Variants in TMIGD2 observed in about 807,000 individuals in gnomAD.
TMIGD2 encodes the protein transmembrane and immunoglobulin domain-containing protein 2.
A neutral mutation model predicts 22.6 loss-of-function variants in TMIGD2; 18 were observed. The ratio of observed to expected loss-of-function variants is 0.80; its 90% CI spans 0.55 to 1.18. The LOEUF is 1.18. Among genes scored for constraint, TMIGD2 ranks in the 50% most tolerant of loss-of-function variants. The pLI is 0.00. For synonymous variants in TMIGD2, 184 were observed against 154.1 expected, an observed-to-expected ratio of 1.19 and a Z score of -1.44; for missense variants, 361 against 378.2, an observed-to-expected ratio of 0.95 and a Z score of 0.38.
exon 1 of TMIGD2, chr19:4,302,365 C>A: frequency 6.4e-7 from 1 of 1,572,860 alleles, no homozygotes; most frequent in Non-Finnish European, 8.6e-7. Context: ...GGAGGCCCAG[C>A]ACCATGCCCG....
exon 2 of TMIGD2, chr19:4,298,283 C>T (rs1261033395): frequency 2.5e-6 from 4 of 1,607,460 alleles, no homozygotes; most frequent in Non-Finnish European, 3.4e-6. Context: ...GCCTGACTGC[C>T]CTGCCTCACC....
At chr19:4,298,120 G>A (rs1410577024) in exon 2 of TMIGD2, 4 of 1,613,328 alleles carry the variant, frequency 2.5e-6, no homozygotes, top group South Asian at 1.1e-5. Context: ...ATGGCTGGGT[G>A]CCTGCCAGGA....
At chr19:4,293,788 G>T (rs1299228533) in intron 4 of TMIGD2, among the ~76,000 whole-genome samples, 1 of 151,628 alleles carries the variant, frequency 6.6e-6, no homozygotes, top group Non-Finnish European at 1.5e-5. Flanking sequence ...TTGAGATGGA[G>T]TCTGGCTGTG....
rs201111951 is a variant in TMIGD2, at chr19:4,299,154, A to AT, written c.47-810dup. ...GAGGTGGTGATTTTTTATTTTTTTA[A>AT]TTTTTTTTGAGTTGGGGTCTGGCTC... On this transcript the variant is annotated intron_variant, in intron 1 of 4. Coordinates refer to ENST00000301272, the Ensembl canonical transcript of TMIGD2. Among the ~76,000 whole-genome samples, 471 of 151,706 alleles carry AT rather than the reference A, an allele frequency of 3.1e-3. 1 individual carries two copies. Among genetic ancestry groups the AT allele is most frequent in the African/African-American group, 0.011 (453 of 41,384 alleles).
At chr19:4,295,717 C>G (rs887524826) in intron 2 of TMIGD2, among the ~76,000 whole-genome samples, 1 of 152,100 alleles carries the variant, frequency 6.6e-6, no homozygotes, top group African/African-American at 2.4e-5. Flanking sequence ...GTTTGAGCCT[C>G]TACTCCATGC....
exon 2 of TMIGD2, chr19:4,298,065 C>T (rs773260948): frequency 8.1e-6 from 13 of 1,613,654 alleles, no homozygotes; most frequent in Middle Eastern, 1.6e-4. Flanking sequence ...AGCACACGTA[C>T]GCCCCGCTGT....
intron 2 of TMIGD2, among the ~76,000 whole-genome samples, chr19:4,296,658 G>A (rs1971464085): frequency 6.6e-6 from 1 of 152,188 alleles, no homozygotes; most frequent in African/African-American, 2.4e-5. Flanking sequence ...TCAGAGGGGT[G>A]GGAAGAGGTG....
At chr19:4,299,506 C>T (rs1263751580) in intron 1 of TMIGD2, among the ~76,000 whole-genome samples, 2 of 148,934 alleles carry the variant, frequency 1.3e-5, no homozygotes, top group Non-Finnish European at 3.0e-5. Flanking sequence ...AGTGAGACTC[C>T]ATATATAAGA....
At chr19:4,302,378 G>T in exon 1 of TMIGD2, 1 of 1,567,808 alleles carries the variant, frequency 6.4e-7, no homozygotes, top group Non-Finnish European at 8.7e-7. Context: ...CATGCCCGGG[G>T]ACCCCATTCC....
intron 1 of TMIGD2, among the ~76,000 whole-genome samples, chr19:4,301,136 C>G (rs1167789572): frequency 6.6e-6 from 1 of 152,016 alleles, no homozygotes; most frequent in Non-Finnish European, 1.5e-5. Context: ...CCACGCCCAG[C>G]TAATTTTTGT....
exon 5 of TMIGD2, chr19:4,292,427 C>T (rs892195746): frequency 1.9e-5 from 14 of 720,974 alleles, no homozygotes; most frequent in Middle Eastern, 3.8e-4. Context: ...CTGCAACCTC[C>T]GCCTCCCAGG....
intron 1 of TMIGD2, among the ~76,000 whole-genome samples, chr19:4,300,675 A>G (rs1166449047): frequency 1.3e-5 from 2 of 152,246 alleles, no homozygotes; most frequent in Non-Finnish European, 2.9e-5. Context: ...ATCTTAATGG[A>G]AAGGTATAAC....
At chr19:4,301,074 G>C (rs79390742) in intron 1 of TMIGD2, among the ~76,000 whole-genome samples, 1 of 152,052 alleles carries the variant, frequency 6.6e-6, no homozygotes, top group Non-Finnish European at 1.5e-5. Context: ...CCAGGTTCAA[G>C]TGATTCTTGT....
intron 1 of TMIGD2, 27 bp from the exon 2 acceptor site, chr19:4,298,372 C>G: frequency 6.5e-7 from 1 of 1,529,014 alleles, no homozygotes; most frequent in Non-Finnish European, 8.7e-7. Context: ...GTAGAGGCGA[C>G]CTTTCTGACT....
intron 1 of TMIGD2, 98 bp downstream of exon 1, chr19:4,302,242 G>T: frequency 7.6e-7 from 1 of 1,312,486 alleles, no homozygotes; most frequent in Non-Finnish European, 1.0e-6. Flanking sequence ...TCTGACAGTA[G>T]AGAGACTGAA....
intron 1 of TMIGD2, among the ~76,000 whole-genome samples, chr19:4,299,110 A>T (rs1202487440): frequency 6.6e-6 from 1 of 152,118 alleles, no homozygotes; most frequent in Non-Finnish European, 1.5e-5. Flanking sequence ...CCTTGAGAGT[A>T]ATCAGGGAAG....
Position 4,294,835 on chromosome 19 carries a change from T to C in TMIGD2, c.407-19A>G, listed in dbSNP as rs117771195. 6.5e-6 allele frequency: 10 copies of C among 1,545,684 alleles called. No individual in the cohort carries two copies. In the East Asian group the frequency reaches 2.2e-4, roughly 33 times the overall value. On this transcript the variant is annotated intron_variant, in intron 2 of 4. Transcript: ENST00000301272. ...GGGTCATCTGCAGAGAAGAAATCTA[T>C]GTCACGGGGGTGCCAGGCTTCTCCA... is the stretch of plus-strand genomic sequence containing the variant.
chr19:4,299,393 C>T (rs1971505006), intron 1 of TMIGD2, among the ~76,000 whole-genome samples: 1 of 151,722 alleles, frequency 6.6e-6, no homozygotes, highest in Non-Finnish European at 1.5e-5. Flanking sequence ...TGATCCTCCC[C>T]GCTAACGCCT....
intron 4 of TMIGD2, 84 bp downstream of exon 4, chr19:4,294,495 C>T (rs563748535): frequency 1.0e-4 from 136 of 1,317,892 alleles, no homozygotes; most frequent in South Asian, 6.9e-4. Flanking sequence ...TTCCCCCAGG[C>T]GGGAGCACAG....
Sources: allele counts gnomAD v4.1 joint callset (sites outside exome capture counted in the v4.1 genomes callset), GRCh38; gene constraint gnomAD v4.1.1; transcripts MANE v1.5; gene names NCBI Gene and HGNC (gene_info 2026-07-23, HGNC 2026-07-21).